The following SORCS1 variants were observed in gnomAD, a reference collection of about 807,000 sequenced individuals.
SORCS1 encodes the protein VPS10 domain-containing receptor SorCS1.
In SORCS1, 60 loss-of-function variants were observed where a neutral mutation model predicts 146.1. The ratio of observed to expected loss-of-function variants is 0.41; its 90% CI spans 0.33 to 0.51. The LOEUF is 0.51. Among genes scored for constraint, SORCS1 ranks in the 20% least tolerant of loss-of-function variants. The pLI, the probability that SORCS1 is intolerant of heterozygous loss-of-function variation, is 0.21. For synonymous variants in SORCS1, 637 were observed against 584.0 expected, an observed-to-expected ratio of 1.09 and a Z score of -1.31; for missense variants, 1,352 against 1,487.6, an observed-to-expected ratio of 0.91 and a Z score of 1.50.
chr10:107,033,613 T>C (rs1037803087), intron 1 of SORCS1, among the ~76,000 whole-genome samples: 2 of 152,212 alleles, frequency 1.3e-5, no homozygotes, highest in African/African-American at 2.4e-5. Context: ...CCAATTAAAT[T>C]AGCAAATTAC....
intron 24 of SORCS1, among the ~76,000 whole-genome samples, chr10:106,583,462 G>A (rs1845041412): frequency 6.6e-6 from 1 of 152,106 alleles, no homozygotes; most frequent in Non-Finnish European, 1.5e-5. Context: ...TCTAGGAAAT[G>A]CCTCTCCCCA....
intron 3 of SORCS1, among the ~76,000 whole-genome samples, chr10:106,804,044 C>T (rs2136679595): frequency 6.6e-6 from 1 of 152,216 alleles, no homozygotes; most frequent in African/African-American, 2.4e-5. Context: ...AATTTCCAAA[C>T]CTGAGTGTTT....
At chr10:106,838,862 G>A (rs60731586) in intron 2 of SORCS1, among the ~76,000 whole-genome samples, 6,078 of 152,016 alleles carry the variant, frequency 0.04, 309 homozygotes, top group East Asian at 0.24. Context: ...CATTATTATC[G>A]TATCTGTTAT....
At chr10:106,644,334 AT>A (rs1048871760) in intron 18 of SORCS1, among the ~76,000 whole-genome samples, 2 of 151,728 alleles carry the variant, frequency 1.3e-5, no homozygotes, top group African/African-American at 4.8e-5. Context: ...GTTAACAATA[AT>A]TTTTCCCTTC....
At chr10:106,586,781 C>T (rs1455589600) in intron 24 of SORCS1, among the ~76,000 whole-genome samples, 1 of 152,148 alleles carries the variant, frequency 6.6e-6, no homozygotes, top group African/African-American at 2.4e-5. Flanking sequence ...CATAGCAACA[C>T]CCTGTCTCTA....
At chr10:107,162,888 A>C (rs925761951) in intron 1 of SORCS1, among the ~76,000 whole-genome samples, 1 of 152,184 alleles carries the variant, frequency 6.6e-6, no homozygotes, top group Non-Finnish European at 1.5e-5. Flanking sequence ...TAAAACTTGA[A>C]ATTTTTTTCC....
intron 3 of SORCS1, among the ~76,000 whole-genome samples, chr10:106,815,060 C>T (rs996699713): frequency 3.3e-5 from 5 of 152,032 alleles, no homozygotes; most frequent in Admixed American, 2.0e-4. Context: ...CCTGGCTTCA[C>T]GCCCTTCTCC....
At chr10:106,631,880 A>G (rs1848464010) in intron 18 of SORCS1, among the ~76,000 whole-genome samples, 1 of 151,968 alleles carries the variant, frequency 6.6e-6, no homozygotes, top group Admixed American at 6.6e-5. Flanking sequence ...TCCAATTTCT[A>G]TCTCTCTTGA....
chr10:106,758,807 AAAG>A (rs1218109213), intron 5 of SORCS1, among the ~76,000 whole-genome samples: 1 of 152,188 alleles, frequency 6.6e-6, no homozygotes, highest in East Asian at 1.9e-4. Flanking sequence ...GATCCTGGAG[AAAG>A]AAGATGTCAA....
intron 1 of SORCS1, among the ~76,000 whole-genome samples, chr10:107,065,443 CTTTCTT>C (rs1961689713): frequency 1.4e-5 from 2 of 142,756 alleles, no homozygotes; most frequent in African/African-American, 5.1e-5. Flanking sequence ...TTCTTTCTTT[CTTTCTT>C]TTCTCTCTTT....
At chr10:106,832,506 G>A (rs950015460) in intron 2 of SORCS1, among the ~76,000 whole-genome samples, 5 of 152,038 alleles carry the variant, frequency 3.3e-5, no homozygotes, top group African/African-American at 1.2e-4. Flanking sequence ...CACTCTTGGT[G>A]TTTTGTCTTT....
intron 8 of SORCS1, among the ~76,000 whole-genome samples, chr10:106,701,510 G>C (rs1239058000): frequency 6.6e-6 from 1 of 152,122 alleles, no homozygotes; most frequent in Non-Finnish European, 1.5e-5. Context: ...TAAGCAGTAA[G>C]AATAAAAAAG....
intron 1 of SORCS1, among the ~76,000 whole-genome samples, chr10:106,976,132 C>CAA (rs765709439): frequency 5.6e-4 from 47 of 83,842 alleles, no homozygotes; most frequent in African/African-American, 1.9e-3. Context: ...GACTCTGTCT[C>CAA]AAAAAAAAAA....
chr10:106,803,599 T>A (rs1316106839), intron 3 of SORCS1, among the ~76,000 whole-genome samples: 1 of 152,192 alleles, frequency 6.6e-6, no homozygotes, highest in African/African-American at 2.4e-5. Context: ...CCAACCTCTA[T>A]CAGCTCTTTA....
chr10:106,672,844 T>C, intron 15 of SORCS1, 24 bp downstream of exon 15: 2 of 1,595,030 alleles, frequency 1.3e-6, no homozygotes, highest in Non-Finnish European at 1.7e-6. Context: ...GCCCAGGCCT[T>C]AGTCTCAGTT....
chr10:106,843,985 T>G (rs554382617), intron 2 of SORCS1, among the ~76,000 whole-genome samples: 1 of 152,216 alleles, frequency 6.6e-6, no homozygotes, highest in Non-Finnish European at 1.5e-5. Context: ...TTGTTTTCCA[T>G]AGTGGCTGCA....
At chr10:106,715,898 G>A (rs557542277) in intron 6 of SORCS1, among the ~76,000 whole-genome samples, 31 of 152,072 alleles carry the variant, frequency 2.0e-4, no homozygotes, top group Non-Finnish European at 3.2e-4. Flanking sequence ...GACCACAGGC[G>A]CATGCCACCA....
intron 18 of SORCS1, among the ~76,000 whole-genome samples, chr10:106,632,576 A>G (rs1848500480): frequency 6.6e-6 from 1 of 152,192 alleles, no homozygotes; most frequent in Non-Finnish European, 1.5e-5. Flanking sequence ...CATTCACCCA[A>G]CAGTCAGATA....
intron 1 of SORCS1, among the ~76,000 whole-genome samples, chr10:107,038,411 A>C (rs867348885): frequency 6.6e-6 from 1 of 151,010 alleles, no homozygotes; most frequent in Admixed American, 6.6e-5. Context: ...GGGGGGGGAG[A>C]GACAGCATTA....
Sources: allele counts gnomAD v4.1 joint callset (sites outside exome capture counted in the v4.1 genomes callset), GRCh38; gene constraint gnomAD v4.1.1; transcripts MANE v1.5; gene names NCBI Gene and HGNC (gene_info 2026-07-23, HGNC 2026-07-21).